The following MRPS21 variants were observed in gnomAD, a reference collection of about 807,000 sequenced individuals.
The protein encoded by MRPS21 is small ribosomal subunit protein bS21m.
MRPS21 carries 8 observed loss-of-function variants against 9.9 expected under a neutral mutation model. The observed-to-expected ratio is 0.81, with a 90% CI of 0.47 to 1.45. The LOEUF is 1.45. Ranked by LOEUF, MRPS21 falls within the 40% of genes most tolerant of loss-of-function variation. MRPS21 has a pLI of 0.00. For synonymous variants in MRPS21, 40 were observed against 40.3 expected (o/e 0.99, Z 0.03); for missense variants, 101 against 118.9 (o/e 0.85, Z 0.70).
At chr1:150,303,744 T>C in intron 2 of MRPS21, 1 of 298,218 alleles carries the variant, frequency 3.4e-6, no homozygotes, top group South Asian at 2.9e-5. Context: ...AAAAATGCTA[T>C]CTAAACTCTA....
intron 2 of MRPS21, among the ~76,000 whole-genome samples, chr1:150,307,557 C>T (rs587621521): frequency 2.4e-4 from 36 of 151,572 alleles, no homozygotes; most frequent in African/African-American, 4.6e-4. Context: ...GGGGTTTTGC[C>T]GTGTTGCCCA....
intron 2 of MRPS21, chr1:150,304,216 C>T (rs1430854154): frequency 9.5e-6 from 3 of 316,390 alleles, no homozygotes; most frequent in African/African-American, 2.2e-5. Flanking sequence ...GAGGCTGAGG[C>T]GGGAGAATTG....
At position 150,294,268 on chromosome 1, in the gene MRPS21, C is replaced by T. The variant is rs587644454; in HGVS notation, c.-32-67C>T. 4.3e-5 allele frequency: 47 copies of T among 1,081,428 alleles called. No individual in the cohort carries two copies. In the African/African-American group the frequency reaches 6.6e-4, roughly 15 times the overall value. 67.0% of individuals were successfully genotyped at this position (1,081,428 alleles called of 1,614,324 possible). ...ATTTCCAAATCCTAAATAAGCCGCG[C>T]GGTGTAGTTTGTATTATGTTGCGTT... On this transcript the variant is annotated intron_variant, in intron 1 of 2. Coordinates refer to ENST00000614145, the MANE Select transcript of MRPS21 (RefSeq NM_031901.6).
intron 2 of MRPS21, among the ~76,000 whole-genome samples, chr1:150,299,013 C>T (rs587728989): frequency 5.3e-5 from 8 of 152,146 alleles, no homozygotes; most frequent in Admixed American, 3.9e-4. Flanking sequence ...GCCAGGAGTT[C>T]GAGACTAGCC....
In MRPS21 at chr1:150,298,771, T is replaced by C. The variant is rs587763132; in HGVS notation, c.83+4322T>C. On this transcript the variant is annotated intron_variant, in intron 2 of 2. Coordinates refer to ENST00000614145, the MANE Select transcript of MRPS21 (RefSeq NM_031901.6). ...CGCATGCCACTACCCCGGCTAATTTTTTGTATTTTTAGTAGAGACGGGGTT... is the reference window on the plus strand; with the variant it reads ...CGCATGCCACTACCCCGGCTAATTTCTTGTATTTTTAGTAGAGACGGGGTT... 2.6e-5 allele frequency among the ~76,000 whole-genome samples: 4 copies of C among 152,250 alleles called. No individual in the cohort carries two copies. In the East Asian group the frequency reaches 7.8e-4, roughly 30 times the overall value.
chr1:150,297,575 G>T (rs966967787), intron 2 of MRPS21, among the ~76,000 whole-genome samples: 16 of 151,812 alleles, frequency 1.1e-4, no homozygotes, highest in African/African-American at 3.9e-4. Flanking sequence ...GGAGGCTGAG[G>T]CAGGAGAATC....
At position 150,308,471 on chromosome 1, in the gene MRPS21, G is replaced by C. The variant is rs587632964; in HGVS notation, c.*243G>C. 5.1e-6 allele frequency: 2 copies of C among 391,932 alleles called. No homozygotes were observed. Among genetic ancestry groups the C allele is most frequent in the African/African-American group, 3.9e-5 (2 of 50,832 alleles). The allele number at this position is 391,932 out of a possible 1,614,324, so 24.3% of individuals were successfully genotyped here. On this transcript the variant is annotated 3_prime_UTR_variant, in exon 3 of 3. Coordinates refer to ENST00000614145, the MANE Select transcript of MRPS21 (RefSeq NM_031901.6). ...GTAGAATGGTATTTGCCAGGGACTG[G>C]AGGAGGGGGCAGTGAGGAGTTATTG...
At chr1:150,307,348 C>CATTTTTTTTTTTTT (rs1654376892) in intron 2 of MRPS21, among the ~76,000 whole-genome samples, 1 of 87,552 alleles carries the variant, frequency 1.1e-5, no homozygotes, top group Admixed American at 1.4e-4. Flanking sequence ...GTGCCCAGTC[C>CATTTTTTTTTTTTT]TTTTTTTTTT....
At chr1:150,294,269 G>T (rs1211474740) in intron 1 of MRPS21, 66 bp from the exon 2 acceptor site, 1 of 1,088,416 alleles carries the variant, frequency 9.2e-7, no homozygotes, top group African/African-American at 1.6e-5. Context: ...TAAGCCGCGC[G>T]GTGTAGTTTG....
At chr1:150,296,244 G>A (rs183969155) in intron 2 of MRPS21, among the ~76,000 whole-genome samples, 76 of 152,278 alleles carry the variant, frequency 5.0e-4, no homozygotes, top group Admixed American at 2.1e-3. Context: ...CACTGCATCC[G>A]GCCCAGCCCT....
At chr1:150,305,876 ATTGT>A (rs775846426) in intron 2 of MRPS21, among the ~76,000 whole-genome samples, 298 of 152,150 alleles carry the variant, frequency 2.0e-3, no homozygotes, top group Non-Finnish European at 2.9e-3. Flanking sequence ...ATAGGGGGCA[ATTGT>A]TTGGGCTTTG....
rs1654438287 is a variant in MRPS21 at position 150,308,538 on chromosome 1, TC to T, written c.*311del. The T allele has an allele frequency of 5.1e-6, 1 of 197,674 alleles. No homozygotes were observed. Among genetic ancestry groups the T allele is most frequent in the South Asian group, 1.6e-4 (1 of 6,392 alleles). The allele number at this position is 197,674 out of a possible 1,614,324, so 12.2% of individuals were successfully genotyped here. On this transcript the variant is annotated 3_prime_UTR_variant, in exon 3 of 3. Transcript: ENST00000614145. ...TTTCAGTTTGGGCAGATGAAAAAGT[TC>T]AGGAGACGATGGCCTGGCATGGTGG... is the stretch of plus-strand genomic sequence containing the variant.
intron 2 of MRPS21, among the ~76,000 whole-genome samples, chr1:150,296,989 A>G (rs587721294): frequency 3.0e-4 from 45 of 152,266 alleles, no homozygotes; most frequent in African/African-American, 1.1e-3. Flanking sequence ...AGAAGACCAC[A>G]GTGAGGAAAA....
At position 150,307,732 on chromosome 1, in the gene MRPS21, C is replaced by T. The variant is rs139060221; in HGVS notation, c.84-316C>T. 2.0e-3 allele frequency among the ~76,000 whole-genome samples: 307 copies of T among 152,094 alleles called. 2 individuals are homozygous for T. Among genetic ancestry groups the T allele is most frequent in the African/African-American group, 6.6e-3 (275 of 41,504 alleles). On this transcript the variant is annotated intron_variant, in intron 2 of 2. Coordinates refer to ENST00000614145, the MANE Select transcript of MRPS21 (RefSeq NM_031901.6). Reference sequence around the variant, plus strand: ...TCGCTAGCACTACAGACACATATTACGAAGCCTGGCTAATTATTTTTATTT... The same window carrying T: ...TCGCTAGCACTACAGACACATATTATGAAGCCTGGCTAATTATTTTTATTT...
intron 2 of MRPS21, 127 bp from the exon 3 acceptor site, chr1:150,307,921 A>T: frequency 1.1e-6 from 1 of 939,782 alleles, no homozygotes; most frequent in South Asian, 2.4e-5. Context: ...TTAATGCTCT[A>T]TTGCCACCAT....
chr1:150,307,667 C>T (rs1195640250), intron 2 of MRPS21, among the ~76,000 whole-genome samples: 1 of 152,156 alleles, frequency 6.6e-6, no homozygotes, highest in Non-Finnish European at 1.5e-5. Context: ...GCCTCAGTCT[C>T]CCCTGGGCTC....
rs1553858820 is a variant in MRPS21, at chr1:150,308,121, C to T, written c.157C>T (p.Gln53Ter). The T allele has an allele frequency of 6.2e-7, 1 of 1,608,010 alleles. No individual in the cohort carries two copies. Among genetic ancestry groups the T allele is most frequent in the African/African-American group, 1.3e-5 (1 of 74,850 alleles). ...TTATGAGAAGCCATGCTGCCGGCGA[C>T]AGAGGGAAAGCTATGAAAGGTGCCG... Reference protein sequence around the residue: ...RYYEKPCCRRQRESYERCRRI... With the variant: ...RYYEKPCCRR The change falls in exon 3 of 3, where the codon CAG becomes TAG. Residue 53 changes from glutamine to a stop codon, truncating the protein, a stop_gained. Transcript: ENST00000614145. LOFTEE classifies it high-confidence loss of function.
chr1:150,308,603 G>A lies in MRPS21; in HGVS notation c.*375G>A, dbSNP rs185738687. 6.0e-3 allele frequency: 970 copies of A among 160,618 alleles called. 11 individuals carry two copies. Among genetic ancestry groups the A allele is most frequent in the Non-Finnish European group, 6.4e-3 (468 of 72,976 alleles). The allele number at this position is 160,618 out of a possible 1,614,324, so 9.9% of individuals were successfully genotyped here. A position where few individuals can be genotyped will look rare whatever the true frequency, so the allele number is the denominator to read the frequency against. ...TCCCAACACTTTGGGAGGCTGAGGC[G>A]GGCGGCTCACTTGAGGCCAGGAGTT... is the stretch of plus-strand genomic sequence containing the variant. On this transcript the variant is annotated 3_prime_UTR_variant, in exon 3 of 3. Transcript: ENST00000614145.
intron 2 of MRPS21, among the ~76,000 whole-genome samples, chr1:150,307,356 T>A (rs1654378273): frequency 2.1e-4 from 5 of 24,306 alleles, no homozygotes; most frequent in African/African-American, 1.6e-3. Flanking sequence ...TCCTTTTTTT[T>A]TTTTTTTTTT....
Sources: gnomAD v4.1 joint callset for allele counts (sites outside exome capture counted in the v4.1 genomes callset) on GRCh38, gnomAD v4.1.1 for gene constraint, MANE v1.5 for transcripts, NCBI Gene and HGNC (gene_info 2026-07-23, HGNC 2026-07-21) for gene names.